The following NOL4 variants were observed in gnomAD, a reference collection of about 807,000 sequenced individuals.
NOL4 encodes cancer/testis antigen 125.
In NOL4, 17 loss-of-function variants were observed where a neutral mutation model predicts 75.9. The ratio of observed to expected loss-of-function variants is 0.22; its 90% CI spans 0.15 to 0.34. The LOEUF (loss-of-function observed/expected upper bound fraction) is 0.34. Among genes scored for constraint, NOL4 ranks in the 10% least tolerant of loss-of-function variants. NOL4 has a pLI of 1.00. For missense variants in NOL4, 614 were observed against 793.5 expected, an observed-to-expected ratio of 0.77 and a Z score of 2.72; for synonymous variants, 292 against 289.9, an observed-to-expected ratio of 1.01 and a Z score of -0.07.
chr18:34,088,385 C>T (rs970309207), intron 5 of NOL4, among the ~76,000 whole-genome samples: 5 of 152,020 alleles, frequency 3.3e-5, no homozygotes, highest in African/African-American at 1.2e-4. Flanking sequence ...CTAATCCATG[C>T]TTCCATAAAT....
At chr18:34,196,567 A>T (rs1029574504) in intron 1 of NOL4, among the ~76,000 whole-genome samples, 1 of 152,078 alleles carries the variant, frequency 6.6e-6, no homozygotes, top group Non-Finnish European at 1.5e-5. Context: ...CACAGCAGGG[A>T]TTTGGGGGCC....
intron 4 of NOL4, among the ~76,000 whole-genome samples, chr18:34,098,255 C>T (rs1268941185): frequency 1.3e-5 from 2 of 152,066 alleles, no homozygotes; most frequent in Admixed American, 6.6e-5. Context: ...GTGTCAGTCC[C>T]AGAACAACAG....
intron 6 of NOL4, among the ~76,000 whole-genome samples, chr18:33,996,391 G>A (rs994804241): frequency 6.8e-6 from 1 of 147,934 alleles, no homozygotes; most frequent in Non-Finnish European, 1.5e-5. Flanking sequence ...AATGAATTTT[G>A]TATCTATTTA....
intron 5 of NOL4, among the ~76,000 whole-genome samples, chr18:34,091,898 G>T (rs1179661851): frequency 3.3e-5 from 5 of 152,076 alleles, no homozygotes; most frequent in Non-Finnish European, 1.5e-5. Context: ...AATATTTGGA[G>T]TTATTCTACT....
intron 1 of NOL4, among the ~76,000 whole-genome samples, chr18:34,217,356 C>T (rs991755579): frequency 6.6e-6 from 1 of 151,958 alleles, no homozygotes; most frequent in African/African-American, 2.4e-5. Context: ...GCGATCTCGG[C>T]TCACTGCAAC....
chr18:34,134,740 A>T (rs1432350136), intron 1 of NOL4, among the ~76,000 whole-genome samples: 1 of 152,190 alleles, frequency 6.6e-6, no homozygotes, highest in African/African-American at 2.4e-5. Flanking sequence ...AATAAATTTA[A>T]GGGATTGAAA....
intron 1 of NOL4, among the ~76,000 whole-genome samples, chr18:34,148,236 T>C (rs966985481): frequency 6.6e-6 from 1 of 152,098 alleles, no homozygotes; most frequent in Admixed American, 6.6e-5. Context: ...TGATCTTTGT[T>C]ATCTCTTGTC....
intron 9 of NOL4, among the ~76,000 whole-genome samples, chr18:33,920,636 G>GGT (rs2066981764): frequency 6.6e-6 from 1 of 152,190 alleles, no homozygotes; most frequent in Non-Finnish European, 1.5e-5. Flanking sequence ...GATTAGGTAT[G>GGT]TGATTTATGG....
chr18:33,891,636 T>A (rs1051275989), intron 9 of NOL4, among the ~76,000 whole-genome samples: 10 of 152,176 alleles, frequency 6.6e-5, no homozygotes, highest in African/African-American at 1.9e-4. Context: ...TTCTTCGTAT[T>A]TGGAAAATAA....
intron 8 of NOL4, among the ~76,000 whole-genome samples, chr18:33,954,877 G>A (rs1600035749): frequency 6.6e-6 from 1 of 152,166 alleles, no homozygotes; most frequent in South Asian, 2.1e-4. Context: ...TAAAAGAAAT[G>A]TGAAATCAGC....
At chr18:34,203,429 CCACACA>C (rs540989695) in intron 1 of NOL4, among the ~76,000 whole-genome samples, 4 of 151,030 alleles carry the variant, frequency 2.6e-5, no homozygotes, top group African/African-American at 4.9e-5. Context: ...TGCAGACACA[CCACACA>C]CACACACATA....
chr18:33,913,102 T>A (rs2066503979), intron 9 of NOL4, among the ~76,000 whole-genome samples: 2 of 152,132 alleles, frequency 1.3e-5, no homozygotes, highest in African/African-American at 4.8e-5. Flanking sequence ...GGCTATATTT[T>A]TAGGCCTATT....
intron 2 of NOL4, among the ~76,000 whole-genome samples, chr18:34,124,767 C>T (rs796666064): frequency 7.9e-5 from 12 of 152,126 alleles, no homozygotes; most frequent in African/African-American, 2.9e-4. Flanking sequence ...ATTAACCAGC[C>T]ATAGTGGTGA....
chr18:33,880,957 G>T (rs898812162), intron 10 of NOL4, among the ~76,000 whole-genome samples: 3 of 151,926 alleles, frequency 2.0e-5, no homozygotes, highest in Non-Finnish European at 2.9e-5. Flanking sequence ...ATTAATAGCA[G>T]ATTCTCACGG....
At chr18:34,154,697 T>C (rs766427242) in intron 1 of NOL4, among the ~76,000 whole-genome samples, 3 of 152,108 alleles carry the variant, frequency 2.0e-5, no homozygotes, top group Non-Finnish European at 4.4e-5. Flanking sequence ...TATTGCTATA[T>C]ATATATATAT....
At chr18:34,149,706 T>C (rs2146076315) in intron 1 of NOL4, among the ~76,000 whole-genome samples, 1 of 151,776 alleles carries the variant, frequency 6.6e-6, no homozygotes, top group Admixed American at 6.6e-5. Context: ...TCTAGGTTGA[T>C]TCCAGTGTGG....
chr18:33,911,407 A>C (rs2066395143), intron 9 of NOL4, among the ~76,000 whole-genome samples: 1 of 152,082 alleles, frequency 6.6e-6, no homozygotes, highest in East Asian at 1.9e-4. Context: ...GACCCTCTAC[A>C]ATATATTTTT....
intron 1 of NOL4, among the ~76,000 whole-genome samples, chr18:34,182,296 A>G (rs1680632000): frequency 6.6e-6 from 1 of 151,656 alleles, no homozygotes; most frequent in African/African-American, 2.4e-5. Context: ...GAAAGAAAAC[A>G]GATAGGAAGT....
intron 8 of NOL4, among the ~76,000 whole-genome samples, chr18:33,944,157 T>C (rs1046727620): frequency 6.6e-6 from 1 of 151,928 alleles, no homozygotes; most frequent in Non-Finnish European, 1.5e-5. Context: ...ATATACAGTA[T>C]ATGCCACCTT....
Sources: allele counts gnomAD v4.1 joint callset (sites outside exome capture counted in the v4.1 genomes callset), GRCh38; gene constraint gnomAD v4.1.1; transcripts MANE v1.5; gene names NCBI Gene and HGNC (gene_info 2026-07-23, HGNC 2026-07-21).